Variants in FILIP1L observed in about 807,000 individuals in gnomAD.
FILIP1L encodes the protein filamin A-interacting protein 1-like.
FILIP1L carries 55 observed loss-of-function variants against 96.6 expected under a neutral mutation model. The observed-to-expected ratio is 0.57, with a 90% CI of 0.46 to 0.71. The LOEUF is 0.71. FILIP1L is among the 30% of genes least tolerant of loss of function. The pLI is 0.00. For synonymous variants in FILIP1L, 467 were observed against 473.9 expected (o/e 0.99, Z 0.19); for missense variants, 1,304 against 1,321.2 (o/e 0.99, Z 0.20).
chr3:100,028,974 C>T (rs1224032930), intron 1 of FILIP1L, among the ~76,000 whole-genome samples: 7 of 152,020 alleles, frequency 4.6e-5, no homozygotes, highest in Non-Finnish European at 8.8e-5. Flanking sequence ...CTCGTCAGTC[C>T]GTTACTTGAG....
intron 4 of FILIP1L, among the ~76,000 whole-genome samples, chr3:99,881,833 C>T (rs1194881803): frequency 1.3e-5 from 2 of 152,134 alleles, no homozygotes; most frequent in African/African-American, 4.8e-5. Flanking sequence ...GTGACTGACC[C>T]ATTTCTTTTT....
intron 1 of FILIP1L, among the ~76,000 whole-genome samples, chr3:100,097,312 T>C (rs1293096785): frequency 6.6e-6 from 1 of 152,176 alleles, no homozygotes; most frequent in Non-Finnish European, 1.5e-5. Context: ...TGGGAACCAC[T>C]GTTGTATTAG....
At chr3:99,979,882 A>G (rs1709070911) in intron 1 of FILIP1L, among the ~76,000 whole-genome samples, 1 of 150,736 alleles carries the variant, frequency 6.6e-6, no homozygotes, top group African/African-American at 2.4e-5. Context: ...GTATTGTCTT[A>G]AAAGAGAGAG....
At chr3:99,894,270 T>A (rs751285938) in intron 4 of FILIP1L, among the ~76,000 whole-genome samples, 15 of 152,204 alleles carry the variant, frequency 9.9e-5, no homozygotes, top group Non-Finnish European at 2.1e-4. Flanking sequence ...GATCTGTATC[T>A]GAAAAGGTGT....
At chr3:99,848,185 G>T in intron 5 of FILIP1L, 110 bp downstream of exon 5, 2 of 1,541,152 alleles carry the variant, frequency 1.3e-6, no homozygotes, top group East Asian at 4.5e-5. Flanking sequence ...TACGAGTTCA[G>T]TCAGTCTTGG....
chr3:99,940,284 G>A (rs183248910), intron 1 of FILIP1L, among the ~76,000 whole-genome samples: 75 of 152,284 alleles, frequency 4.9e-4, no homozygotes, highest in Admixed American at 8.5e-4. Context: ...ATTTTTAAAT[G>A]CCACACTTCC....
At chr3:99,865,642 G>A (rs1471787213) in intron 4 of FILIP1L, among the ~76,000 whole-genome samples, 2 of 152,108 alleles carry the variant, frequency 1.3e-5, no homozygotes, top group Non-Finnish European at 2.9e-5. Context: ...CCCAGAGGTG[G>A]TGGGTTTGTC....
chr3:99,991,678 C>T (rs1482659927), intron 1 of FILIP1L, among the ~76,000 whole-genome samples: 1 of 151,938 alleles, frequency 6.6e-6, no homozygotes, highest in African/African-American at 2.4e-5. Flanking sequence ...TTGTGTAGCT[C>T]CCACTTATAG....
chr3:100,110,698 G>C (rs1207371027), intron 1 of FILIP1L, among the ~76,000 whole-genome samples: 1 of 152,120 alleles, frequency 6.6e-6, no homozygotes, highest in Non-Finnish European at 1.5e-5. Context: ...GCTCTGCTCA[G>C]CTCTGTATAG....
rs201896358 is a variant in FILIP1L at position 99,849,593 on chromosome 3, T to C, written c.2083A>G (p.Thr695Ala). Residue 695 changes from threonine to alanine, a missense_variant, in exon 5 of 6, where the codon ACC becomes GCC. Thr to Ala is a moderately conservative substitution (Grantham distance 58). Coordinates refer to ENST00000477258, the MANE Select transcript of FILIP1L (RefSeq NM_001387850.1). ...AKYKLAEKTE[T>A]SHEQWLFKRL... ...TTGAAAAGCCATTGTTCATGGCTGG[T>C]CTCTGTCTTTTCTGCTAACTTGTAC... 613 of 1,613,508 alleles carry C rather than the reference T, an allele frequency of 3.8e-4. 2 individuals are homozygous for C. The African/African-American group carries it at 7.2e-3, about 19-fold the overall frequency.
rs561586054 is a variant in FILIP1L, at chr3:99,918,892, A to G, written c.605+5338T>C. On this transcript the variant is annotated intron_variant, in intron 4 of 5. Coordinates refer to ENST00000477258, the MANE Select transcript of FILIP1L (RefSeq NM_001387850.1). ...AAGGTCAAATGGAGATCTGGCATCCATTTCAATACTTGTAAGACATAGTCT... is the reference window on the plus strand; with the variant it reads ...AAGGTCAAATGGAGATCTGGCATCCGTTTCAATACTTGTAAGACATAGTCT... Among the ~76,000 whole-genome samples, 3 of 152,348 alleles carry G rather than the reference A, an allele frequency of 2.0e-5. No individual in the cohort carries two copies. The East Asian group carries it at 5.8e-4, about 29-fold the overall frequency.
In FILIP1L at chr3:99,850,689, T is replaced by C. The variant is rs1188164855; in HGVS notation, c.987A>G (p.Ala329=). ...CTAACTCATCAATCTGCCGGCTGAG[T>C]GCTGCCAGCTTTTGTTGAAGCTGGC... ...QNRQLQQKLA[A]LSRQIDELEE... The change falls in exon 5 of 6, where the codon GCA becomes GCG. Residue 329 remains alanine, a synonymous_variant. Transcript: ENST00000477258. The C allele has an allele frequency of 6.2e-7, 1 of 1,614,154 alleles. No homozygotes were observed. The highest frequency in any genetic ancestry group is 8.5e-7 in the Non-Finnish European group (1 of 1,180,038).
intron 5 of FILIP1L, among the ~76,000 whole-genome samples, chr3:99,831,585 A>C (rs956464129): frequency 6.6e-6 from 1 of 152,250 alleles, no homozygotes; most frequent in African/African-American, 2.4e-5. Flanking sequence ...AGACTAATCA[A>C]GTCTGCTAAT....
At chr3:99,943,607 G>A (rs1260393328) in intron 1 of FILIP1L, among the ~76,000 whole-genome samples, 1 of 152,118 alleles carries the variant, frequency 6.6e-6, no homozygotes, top group African/African-American at 2.4e-5. Context: ...GGGAGGCTGA[G>A]GCAGGAGAAT....
intron 1 of FILIP1L, among the ~76,000 whole-genome samples, chr3:100,007,978 C>T (rs1710036943): frequency 6.6e-6 from 1 of 152,036 alleles, no homozygotes; most frequent in African/African-American, 2.4e-5. Context: ...CTGAGGGCTC[C>T]CTGGGAATTA....
At chr3:100,091,102 G>T (rs757593266) in intron 1 of FILIP1L, among the ~76,000 whole-genome samples, 38 of 151,892 alleles carry the variant, frequency 2.5e-4, no homozygotes, top group Non-Finnish European at 4.9e-4. Flanking sequence ...TGGCTAACAC[G>T]GTGAAACCCC....
chr3:99,978,771 G>C (rs1018826575), intron 1 of FILIP1L, among the ~76,000 whole-genome samples: 2 of 152,148 alleles, frequency 1.3e-5, no homozygotes, highest in African/African-American at 4.8e-5. Context: ...TGTAATCCTA[G>C]CTACTTGGGT....
chr3:99,957,427 A>C lies in FILIP1L; in HGVS notation c.-10-26397T>G, dbSNP rs147782676. On this transcript the variant is annotated intron_variant, in intron 1 of 5. Coordinates refer to ENST00000477258, the MANE Select transcript of FILIP1L (RefSeq NM_001387850.1). The stretch of plus-strand genomic sequence containing the variant: ...GTGATATTTTTGAAATGCTAACACA[A>C]AATTATGTATCTACACATATGTGTG... 4.6e-3 allele frequency among the ~76,000 whole-genome samples: 693 copies of C among 152,304 alleles called. 2 individuals carry two copies. Among genetic ancestry groups the C allele is most frequent in the South Asian group, 7.0e-3 (34 of 4,824 alleles).
At chr3:100,075,669 AT>A (rs1428779922) in intron 1 of FILIP1L, 8 of 151,900 alleles carry the variant, frequency 5.3e-5, no homozygotes. Context: ...AACATCTATA[AT>A]ATAAATTCTC....
Sources: allele counts gnomAD v4.1 joint callset (sites outside exome capture counted in the v4.1 genomes callset), GRCh38; gene constraint gnomAD v4.1.1; transcripts MANE v1.5; gene names NCBI Gene and HGNC (gene_info 2026-07-23, HGNC 2026-07-21).